The following TAFA1 variants were observed in gnomAD, a reference collection of about 807,000 sequenced individuals.
The protein encoded by TAFA1 is chemokine-like protein TAFA-1.
A neutral mutation model predicts 18.5 loss-of-function variants in TAFA1; 4 were observed. The observed-to-expected ratio is 0.22, with a 90% CI of 0.11 to 0.49. The LOEUF (loss-of-function observed/expected upper bound fraction) is 0.49. Among genes scored for constraint, TAFA1 ranks in the 20% least tolerant of loss-of-function variants. The pLI, the probability that TAFA1 is intolerant of heterozygous loss-of-function variation, is 0.98. For synonymous variants in TAFA1, 56 were observed against 55.2 expected, an observed-to-expected ratio of 1.01 and a Z score of -0.06; for missense variants, 147 against 169.0, an observed-to-expected ratio of 0.87 and a Z score of 0.72.
At chr3:68,255,715 A>AT (rs903498295) in intron 2 of TAFA1, among the ~76,000 whole-genome samples, 1 of 151,884 alleles carries the variant, frequency 6.6e-6, no homozygotes, top group Non-Finnish European at 1.5e-5. Flanking sequence ...ATAATGATTT[A>AT]TTTTTTAAGG....
At position 68,436,893 on chromosome 3, in the gene TAFA1, T is replaced by C. The variant is rs558682892; in HGVS notation, c.259+19473T>C. Among the ~76,000 whole-genome samples, 30 of 152,314 alleles carry C rather than the reference T, an allele frequency of 2.0e-4. No individual in the cohort carries two copies. In the South Asian group the frequency reaches 6.0e-3, roughly 30 times the overall value. On this transcript the variant is annotated intron_variant, in intron 3 of 4. Transcript: ENST00000478136. The stretch of plus-strand genomic sequence containing the variant: ...GATACAGCCAGCTCCACTTCTGTTG[T>C]CCAGATTTTGCCCACTTTATTAGAA...
At chr3:68,240,227 G>A (rs897523635) in intron 2 of TAFA1, among the ~76,000 whole-genome samples, 2 of 152,142 alleles carry the variant, frequency 1.3e-5, no homozygotes, top group African/African-American at 2.4e-5. Context: ...ACTTCATGGT[G>A]TCCCCTTAGG....
At chr3:68,406,958 C>G (rs142325609) in intron 2 of TAFA1, among the ~76,000 whole-genome samples, 1 of 152,084 alleles carries the variant, frequency 6.6e-6, no homozygotes, top group Non-Finnish European at 1.5e-5. Flanking sequence ...ACATATCCAA[C>G]GTATAAGCCA....
At chr3:68,078,202 G>C (rs2064851420) in intron 2 of TAFA1, among the ~76,000 whole-genome samples, 1 of 152,170 alleles carries the variant, frequency 6.6e-6, no homozygotes, top group South Asian at 2.1e-4. Flanking sequence ...AGCTTAAGGA[G>C]ATTTTGGGCT....
At chr3:68,512,074 T>C (rs1173808794) in intron 3 of TAFA1, among the ~76,000 whole-genome samples, 2 of 152,116 alleles carry the variant, frequency 1.3e-5, no homozygotes, top group Non-Finnish European at 1.5e-5. Context: ...AGAAGTTAAA[T>C]CACTTGATCA....
At chr3:68,057,979 C>T (rs577463737) in intron 2 of TAFA1, among the ~76,000 whole-genome samples, 2 of 152,294 alleles carry the variant, frequency 1.3e-5, no homozygotes, top group South Asian at 4.2e-4. Flanking sequence ...GACTTCTGAT[C>T]TCACTGCAAG....
chr3:68,512,592 T>A (rs375817902), intron 3 of TAFA1, among the ~76,000 whole-genome samples: 2 of 152,126 alleles, frequency 1.3e-5, no homozygotes, highest in African/African-American at 4.8e-5. Context: ...TCTTACTTAA[T>A]CAGCACAACA....
chr3:68,435,937 AG>A, intron 3 of TAFA1, among the ~76,000 whole-genome samples: 1 of 152,304 alleles, frequency 6.6e-6, no homozygotes, highest in East Asian at 1.9e-4. Flanking sequence ...TTAAAATATC[AG>A]TGGCTTGGCC....
intron 2 of TAFA1, among the ~76,000 whole-genome samples, chr3:68,104,059 T>C (rs557339649): frequency 6.6e-6 from 1 of 152,180 alleles, no homozygotes; most frequent in Non-Finnish European, 1.5e-5. Flanking sequence ...CACAGGAATT[T>C]AAAGTGTAAT....
intron 2 of TAFA1, among the ~76,000 whole-genome samples, chr3:68,022,485 G>T (rs1157684012): frequency 6.6e-6 from 1 of 151,974 alleles, no homozygotes. Context: ...GCTGTTGGTG[G>T]GGGGAAGGGT....
chr3:68,388,532 G>A (rs2070155672), intron 2 of TAFA1, among the ~76,000 whole-genome samples: 1 of 151,822 alleles, frequency 6.6e-6, no homozygotes, highest in Middle Eastern at 3.4e-3. Flanking sequence ...CATTTTTGCT[G>A]TATTCAGCTC....
At chr3:68,213,808 T>C (rs1307477524) in intron 2 of TAFA1, among the ~76,000 whole-genome samples, 1 of 152,114 alleles carries the variant, frequency 6.6e-6, no homozygotes, top group Non-Finnish European at 1.5e-5. Flanking sequence ...CTTCTTACCA[T>C]TGGAGCCAGT....
rs187334766 is a variant in TAFA1 at position 68,355,402 on chromosome 3, C to A, written c.119-61878C>A. 7.9e-5 allele frequency among the ~76,000 whole-genome samples: 12 copies of A among 151,928 alleles called. 1 individual carries two copies. Among genetic ancestry groups the A allele is most frequent in the Admixed American group, 7.9e-4 (12 of 15,214 alleles). On this transcript the variant is annotated intron_variant, in intron 2 of 4. Coordinates refer to ENST00000478136, the MANE Select transcript of TAFA1 (RefSeq NM_213609.4). Reference sequence around the variant, plus strand: ...TGTTCAGTCACTTAACCTCCCTTTACCTCAGTTCCCTTTTCATAAAATTGG... The same window carrying A: ...TGTTCAGTCACTTAACCTCCCTTTAACTCAGTTCCCTTTTCATAAAATTGG...
Position 68,448,976 on chromosome 3 carries a change from C to A in TAFA1, c.259+31556C>A, listed in dbSNP as rs531308770. Among the ~76,000 whole-genome samples the A allele has an allele frequency of 4.7e-4, 71 of 152,250 alleles. 1 individual carries two copies. Among genetic ancestry groups the A allele is most frequent in the South Asian group, 3.1e-3 (15 of 4,818 alleles). ...ATCAGAATTTGAGCTGCCTGTTACT[C>A]AGGTTTCATTAGTGCTGTTTAAAAA... On this transcript the variant is annotated intron_variant, in intron 3 of 4. Coordinates refer to ENST00000478136, the MANE Select transcript of TAFA1 (RefSeq NM_213609.4).
At chr3:68,405,555 C>A (rs1399889552) in intron 2 of TAFA1, among the ~76,000 whole-genome samples, 1 of 151,182 alleles carries the variant, frequency 6.6e-6, no homozygotes, top group Non-Finnish European at 1.5e-5. Flanking sequence ...AAAACATTAG[C>A]CAAGCATAGT....
At chr3:68,087,876 A>G (rs541939618) in intron 2 of TAFA1, among the ~76,000 whole-genome samples, 206 of 152,150 alleles carry the variant, frequency 1.4e-3, no homozygotes, top group South Asian at 3.5e-3. Flanking sequence ...TTTTTCTACT[A>G]TAGGCATTTC....
chr3:68,137,054 T>C (rs1435560612), intron 2 of TAFA1, among the ~76,000 whole-genome samples: 2 of 152,200 alleles, frequency 1.3e-5, no homozygotes, highest in Non-Finnish European at 2.9e-5. Context: ...ATGATTTTTC[T>C]ATTATGTCTG....
chr3:68,187,843 T>A (rs2066289258), intron 2 of TAFA1, among the ~76,000 whole-genome samples: 1 of 152,042 alleles, frequency 6.6e-6, no homozygotes, highest in Non-Finnish European at 1.5e-5. Flanking sequence ...TCAGTCCTTT[T>A]AATTTTGGCC....
chr3:68,331,889 A>C (rs1205626893), intron 2 of TAFA1, among the ~76,000 whole-genome samples: 2 of 95,518 alleles, frequency 2.1e-5, no homozygotes, highest in Non-Finnish European at 3.8e-5. Context: ...TTTGAGACGG[A>C]GTCTCGCTCT....
Sources: allele counts gnomAD v4.1 joint callset (sites outside exome capture counted in the v4.1 genomes callset), GRCh38; gene constraint gnomAD v4.1.1; transcripts MANE v1.5; gene names NCBI Gene and HGNC (gene_info 2026-07-23, HGNC 2026-07-21).